The following ABI2 variants were observed in gnomAD, a reference collection of about 807,000 sequenced individuals.
ABI2 encodes the protein abl interactor 2.
Under a neutral mutation model 59.2 loss-of-function variants are expected in ABI2, and 25 were observed. The ratio of observed to expected loss-of-function variants is 0.42; its 90% confidence interval spans 0.31 to 0.59. ABI2 has a LOEUF of 0.59. ABI2 is among the 20% of genes least tolerant of loss of function. ABI2 has a pLI of 0.14. For synonymous variants in ABI2, 213 were observed against 235.5 expected (o/e 0.90, Z 0.87); for missense variants, 545 against 681.8 (o/e 0.80, Z 2.23).
intron 2 of ABI2, among the ~76,000 whole-genome samples, chr2:203,372,652 A>T (rs2095345604): frequency 6.7e-6 from 1 of 150,296 alleles, no homozygotes; most frequent in Non-Finnish European, 1.5e-5. Context: ...GGCCGGGCAG[A>T]GGGGCTCCTC....
chr2:203,346,989 A>G (rs1044170229), intron 1 of ABI2, among the ~76,000 whole-genome samples: 4 of 152,092 alleles, frequency 2.6e-5, no homozygotes, highest in Non-Finnish European at 5.9e-5. Context: ...AATTTGTTTT[A>G]ATTTTGTATA....
chr2:203,387,681 G>A (rs552062136), intron 4 of ABI2, among the ~76,000 whole-genome samples: 3 of 152,102 alleles, frequency 2.0e-5, no homozygotes, highest in Non-Finnish European at 4.4e-5. Context: ...GATTGGTATC[G>A]GCCACCAGAG....
intron 1 of ABI2, among the ~76,000 whole-genome samples, chr2:203,354,898 G>A (rs977439378): frequency 6.6e-6 from 1 of 152,182 alleles, no homozygotes; most frequent in African/African-American, 2.4e-5. Flanking sequence ...GTGGAATAAA[G>A]GTAGTCAGTA....
At chr2:203,384,189 T>C (rs1578303897) in intron 4 of ABI2, among the ~76,000 whole-genome samples, 1 of 152,014 alleles carries the variant, frequency 6.6e-6, no homozygotes. Context: ...GGTCAGTGGA[T>C]AGAATGCCAT....
intron 11 of ABI2, among the ~76,000 whole-genome samples, 184 bp from the exon 12 acceptor site, chr2:203,426,993 A>G (rs977100789): frequency 6.6e-6 from 1 of 151,886 alleles, no homozygotes; most frequent in Admixed American, 6.6e-5. Flanking sequence ...AGAAAATGGA[A>G]TTTCATTGTA....
chr2:203,416,478 T>C (rs1383065016), intron 10 of ABI2, among the ~76,000 whole-genome samples: 1 of 152,116 alleles, frequency 6.6e-6, no homozygotes, highest in Non-Finnish European at 1.5e-5. Flanking sequence ...GTATTTTTAG[T>C]AGAGGCAGGG....
intron 11 of ABI2, among the ~76,000 whole-genome samples, chr2:203,423,556 G>C (rs532844909): frequency 2.6e-5 from 4 of 152,316 alleles, no homozygotes; most frequent in African/African-American, 9.6e-5. Flanking sequence ...CCCACGAGTA[G>C]CTGGGACTAC....
intron 1 of ABI2, among the ~76,000 whole-genome samples, chr2:203,342,001 G>A (rs1417752753): frequency 5.9e-5 from 9 of 152,132 alleles, no homozygotes; most frequent in Non-Finnish European, 8.8e-5. Context: ...TAACATATTA[G>A]ATGAGACAAC....
intron 1 of ABI2, among the ~76,000 whole-genome samples, chr2:203,350,013 A>G (rs1252291978): frequency 6.6e-6 from 1 of 152,138 alleles, no homozygotes; most frequent in Non-Finnish European, 1.5e-5. Flanking sequence ...CATTTCCACC[A>G]TCAGTGTGTG....
At chr2:203,389,077 T>G (rs142654534) in intron 4 of ABI2, among the ~76,000 whole-genome samples, 1 of 152,196 alleles carries the variant, frequency 6.6e-6, no homozygotes, top group Admixed American at 6.5e-5. Context: ...AATTAAGATA[T>G]GCAGTTTTAA....
At chr2:203,378,452 T>C (rs1483701251) in intron 2 of ABI2, among the ~76,000 whole-genome samples, 1 of 152,220 alleles carries the variant, frequency 6.6e-6, no homozygotes, top group Non-Finnish European at 1.5e-5. Flanking sequence ...GTAAGATTAC[T>C]ACCATGGTTA....
At chr2:203,386,139 G>A (rs2096496603) in intron 4 of ABI2, among the ~76,000 whole-genome samples, 1 of 152,094 alleles carries the variant, frequency 6.6e-6, no homozygotes, top group Non-Finnish European at 1.5e-5. Flanking sequence ...AAATAATTAT[G>A]TACTAGATGG....
chr2:203,402,584 G>C lies in ABI2; in HGVS notation c.1042G>C (p.Val348Leu), dbSNP rs1421140138. 4 of 1,552,066 alleles carry C rather than the reference G, an allele frequency of 2.6e-6. No homozygotes were observed. Among genetic ancestry groups the C allele is most frequent in the Non-Finnish European group, 3.5e-6 (4 of 1,156,710 alleles). ...VSSTPPTGHPVQFYSMNRPAS... is the reference protein window; with the variant it reads ...VSSTPPTGHPLQFYSMNRPAS... The stretch of plus-strand genomic sequence containing the variant: ...TTCTATCTCTTTTTCAGGTCATCCT[G>C]TACAGTTCTACAGCATGAATAGGCC... The change falls in exon 9 of 12, where the codon GTA (valine) becomes CTA (leucine). Residue 348 changes from valine to leucine, a missense_variant. By Grantham distance (32) the Val-to-Leu change is conservative (BLOSUM62 1). This residue lies in a region of ABI2 where 410 missense variants were observed against 435.6 expected (regional missense o/e 0.94). Transcript: ENST00000261018.
chr2:203,396,941 C>T lies in ABI2; in HGVS notation c.1007C>T (p.Pro336Leu). 1 of 1,513,782 alleles carries T rather than the reference C, an allele frequency of 6.6e-7. No individual in the cohort carries two copies. The highest frequency in any genetic ancestry group is 8.8e-7 in the Non-Finnish European group (1 of 1,137,624). 93.8% of individuals were successfully genotyped at this position (1,513,782 alleles called of 1,614,324 possible). Reference protein sequence around the residue: ...LADGFTSPTPPVVSSTPPTGH... With the variant: ...LADGFTSPTPLVVSSTPPTGH... ...GATGGCTTCACTTCTCCAACTCCCC[C>T]TGTTGTTTCTTCCACTCCCCCTACA... The change falls in exon 8 of 12, where the codon CCT becomes CTT. Residue 336 changes from proline (P) to leucine (L), a missense_variant. By Grantham distance (98) the Pro-to-Leu change is moderately conservative. Coordinates refer to ENST00000261018, the MANE Select transcript of ABI2 (RefSeq NM_001375670.1).
intron 11 of ABI2, among the ~76,000 whole-genome samples, chr2:203,420,405 T>G (rs2098142716): frequency 6.6e-6 from 1 of 152,116 alleles, no homozygotes; most frequent in Non-Finnish European, 1.5e-5. Flanking sequence ...CCTTTTTTTT[T>G]TTTTTTGAGA....
Position 203,399,422 on chromosome 2 carries a change from TTTATATTCTA to T in ABI2, c.1033+2456_1033+2465del, listed in dbSNP as rs1158354805. ...GTTTTTTTCCTTATCATTGAGTTCT[TTTATATTCTA>T]AATATATGTCCTTTATAGATTATGA... On this transcript the variant is annotated intron_variant, in intron 8 of 11. Transcript: ENST00000261018. Among the ~76,000 whole-genome samples, 3 of 152,198 alleles carry T rather than the reference TTTATATTCTA, an allele frequency of 2.0e-5. 1 individual carries two copies. The highest frequency in any genetic ancestry group is 4.4e-5 in the Non-Finnish European group (3 of 68,034).
At chr2:203,348,457 T>C (rs2085170133) in intron 1 of ABI2, among the ~76,000 whole-genome samples, 1 of 152,186 alleles carries the variant, frequency 6.6e-6, no homozygotes, top group African/African-American at 2.4e-5. Context: ...CCTTGTTACA[T>C]GTGCAGCTAT....
intron 1 of ABI2, among the ~76,000 whole-genome samples, chr2:203,337,261 C>A (rs746147476): frequency 6.6e-6 from 1 of 152,122 alleles, no homozygotes; most frequent in African/African-American, 2.4e-5. Context: ...AAGACTCCAC[C>A]AAAAGACTGT....
chr2:203,343,439 T>A (rs2081271171), intron 1 of ABI2, among the ~76,000 whole-genome samples: 1 of 152,192 alleles, frequency 6.6e-6, no homozygotes. Context: ...GACAAGGCAT[T>A]ATATTCCAGG....
Sources: allele counts gnomAD v4.1 joint callset (sites outside exome capture counted in the v4.1 genomes callset), GRCh38; gene constraint gnomAD v4.1.1; regional missense constraint gnomAD v4.1.1; transcripts MANE v1.5; gene names NCBI Gene and HGNC (gene_info 2026-07-23, HGNC 2026-07-21).